SGCZ: variants seen among roughly 807,000 people sequenced by gnomAD.
SGCZ encodes sarcoglycan zeta.
SGCZ carries 40 observed loss-of-function variants against 41.3 expected under a neutral mutation model. That is an observed-to-expected ratio of 0.97 (90% CI 0.75 to 1.26). The LOEUF (loss-of-function observed/expected upper bound fraction) is 1.26, where lower values mean the gene tolerates loss of function less well. Among genes scored for constraint, SGCZ ranks in the 50% most tolerant of loss-of-function variants. The pLI is 0.00. For missense variants in SGCZ, 552 were observed against 369.8 expected (o/e 1.49, Z -4.04); for synonymous variants, 206 against 137.5 (o/e 1.50, Z -3.49).
At chr8:15,164,587 CTT>C (rs751994299) in intron 1 of SGCZ, among the ~76,000 whole-genome samples, 2 of 141,954 alleles carry the variant, frequency 1.4e-5, no homozygotes, top group Admixed American at 7.0e-5. Flanking sequence ...CATTTTTAAA[CTT>C]TTTTTTTTTT....
Position 15,144,642 on chromosome 8 carries a change from G to C in SGCZ, c.39+92943C>G, listed in dbSNP as rs144853080. ...ACACCCAGCCAGTATTTTTAGTAGA[G>C]ACAGGGTTTCACTCTGTTGGCCATG... On this transcript the variant is annotated intron_variant, in intron 1 of 7. Coordinates refer to ENST00000382080, the MANE Select transcript of SGCZ (RefSeq NM_139167.4). Among the ~76,000 whole-genome samples the C allele has an allele frequency of 7.4e-3, 1,125 of 152,152 alleles. 8 individuals are homozygous for C. The highest frequency in any genetic ancestry group is 0.011 in the Non-Finnish European group (729 of 67,998).
intron 2 of SGCZ, among the ~76,000 whole-genome samples, chr8:14,439,617 A>G (rs574807768): frequency 6.6e-5 from 10 of 151,944 alleles, no homozygotes; most frequent in African/African-American, 9.7e-5. Context: ...ATGCAAGCTT[A>G]GCTCCATATT....
chr8:14,220,924 A>T (rs1806170784), intron 4 of SGCZ, among the ~76,000 whole-genome samples: 1 of 152,214 alleles, frequency 6.6e-6, no homozygotes, highest in South Asian at 2.1e-4. Context: ...GTTGGAAGTA[A>T]CCATGTTGTC....
At chr8:14,342,722 C>T (rs1320749659) in intron 2 of SGCZ, among the ~76,000 whole-genome samples, 1 of 152,126 alleles carries the variant, frequency 6.6e-6, no homozygotes, top group Non-Finnish European at 1.5e-5. Context: ...GGAAATTATG[C>T]AGGCTGATTA....
chr8:15,107,306 T>C (rs1161195030), intron 1 of SGCZ, among the ~76,000 whole-genome samples: 3 of 152,278 alleles, frequency 2.0e-5, no homozygotes, highest in Middle Eastern at 3.4e-3. Flanking sequence ...CACCAAAACT[T>C]ATGTTGCAAT....
intron 4 of SGCZ, among the ~76,000 whole-genome samples, chr8:14,224,005 A>G (rs991239448): frequency 1.3e-5 from 2 of 152,212 alleles, no homozygotes; most frequent in Non-Finnish European, 2.9e-5. Flanking sequence ...GGAGGCACAG[A>G]GAAGTCAACT....
chr8:15,002,558 G>A (rs964596620), intron 1 of SGCZ, among the ~76,000 whole-genome samples: 4 of 152,022 alleles, frequency 2.6e-5, no homozygotes, highest in South Asian at 2.1e-4. Context: ...TAGGTAGCAC[G>A]AAACACAATA....
chr8:14,458,692 T>C (rs1344213450), intron 2 of SGCZ, among the ~76,000 whole-genome samples: 2 of 152,154 alleles, frequency 1.3e-5, no homozygotes, highest in African/African-American at 2.4e-5. Flanking sequence ...TCTCTATCTA[T>C]CTATCTATAT....
intron 1 of SGCZ, among the ~76,000 whole-genome samples, chr8:14,979,294 T>C (rs1471757994): frequency 6.6e-6 from 1 of 152,180 alleles, no homozygotes; most frequent in African/African-American, 2.4e-5. Flanking sequence ...TACTCACAAA[T>C]TTCATCCCAA....
chr8:14,462,531 T>A (rs1289019228), intron 2 of SGCZ, among the ~76,000 whole-genome samples: 3 of 152,042 alleles, frequency 2.0e-5, no homozygotes, highest in African/African-American at 4.8e-5. Context: ...ACAACATTCA[T>A]CTTTCTGTAC....
intron 1 of SGCZ, among the ~76,000 whole-genome samples, chr8:14,603,906 T>G (rs991012512): frequency 2.0e-5 from 3 of 152,126 alleles, no homozygotes; most frequent in Non-Finnish European, 2.9e-5. Context: ...ATTATTTAGT[T>G]ATGCTTGACC....
At chr8:14,723,486 G>A (rs1474848377) in intron 1 of SGCZ, among the ~76,000 whole-genome samples, 1 of 152,106 alleles carries the variant, frequency 6.6e-6, no homozygotes, top group African/African-American at 2.4e-5. Flanking sequence ...GCCTTAGCAG[G>A]CGTGGAGCTG....
intron 1 of SGCZ, among the ~76,000 whole-genome samples, chr8:15,126,682 A>G (rs1277712350): frequency 1.3e-5 from 2 of 152,226 alleles, no homozygotes; most frequent in Non-Finnish European, 2.9e-5. Flanking sequence ...CACCAGGACA[A>G]TGAGTTGAGG....
chr8:15,210,489 C>T (rs1193957851), intron 1 of SGCZ, among the ~76,000 whole-genome samples: 1 of 43,652 alleles, frequency 2.3e-5, no homozygotes, highest in Non-Finnish European at 7.3e-5. Flanking sequence ...GTCTGTTGCT[C>T]TGACTTTACC....
At chr8:14,107,173 A>G (rs572698308) in intron 6 of SGCZ, among the ~76,000 whole-genome samples, 2 of 151,914 alleles carry the variant, frequency 1.3e-5, no homozygotes, top group South Asian at 2.1e-4. Flanking sequence ...TCGAGATAGC[A>G]CCGCTGCACT....
At chr8:14,132,759 G>A (rs1305714264) in intron 5 of SGCZ, among the ~76,000 whole-genome samples, 8 of 152,062 alleles carry the variant, frequency 5.3e-5, no homozygotes, top group South Asian at 4.1e-4. Flanking sequence ...ACTTTCTGTT[G>A]CAAACTGGGC....
At chr8:15,151,892 C>G (rs1433475813) in intron 1 of SGCZ, among the ~76,000 whole-genome samples, 1 of 152,024 alleles carries the variant, frequency 6.6e-6, no homozygotes, top group Non-Finnish European at 1.5e-5. Context: ...CTAATAAAAG[C>G]ATTTGAAGCG....
chr8:14,395,820 A>C (rs1344195855), intron 2 of SGCZ, among the ~76,000 whole-genome samples: 2 of 152,212 alleles, frequency 1.3e-5, no homozygotes, highest in Non-Finnish European at 2.9e-5. Flanking sequence ...TATCTGGCAC[A>C]TAATGCCTAA....
chr8:14,141,120 T>C (rs553489199), intron 5 of SGCZ, among the ~76,000 whole-genome samples: 13 of 152,332 alleles, frequency 8.5e-5, no homozygotes, highest in Non-Finnish European at 1.3e-4. Flanking sequence ...GCTAGCCATA[T>C]GTAGAAAGCT....
Sources: allele counts gnomAD v4.1 joint callset (sites outside exome capture counted in the v4.1 genomes callset), GRCh38; gene constraint gnomAD v4.1.1; transcripts MANE v1.5; gene names NCBI Gene and HGNC (gene_info 2026-07-23, HGNC 2026-07-21).